The following CAST variants were observed in gnomAD, a reference collection of about 807,000 sequenced individuals.
The protein encoded by CAST is calpastatin.
A neutral mutation model predicts 119.6 loss-of-function variants in CAST; 76 were observed. The ratio of observed to expected loss-of-function variants is 0.64; its 90% CI spans 0.53 to 0.77. The LOEUF (loss-of-function observed/expected upper bound fraction) is 0.77. Among genes scored for constraint, CAST ranks in the 30% least tolerant of loss-of-function variants. The pLI, the probability that CAST is intolerant of heterozygous loss-of-function variation, is 0.00. For missense variants in CAST, 953 were observed against 946.5 expected (o/e 1.01, Z -0.09); for synonymous variants, 319 against 331.6 (o/e 0.96, Z 0.41).
At chr5:96,285,644 C>T in the CAST span, among the ~76,000 whole-genome samples, 1 of 152,244 alleles carries the variant, frequency 6.6e-6, no homozygotes, top group South Asian at 2.1e-4. Context: ...TTGAGTGTCT[C>T]CTGAATCCTC....
the CAST span, among the ~76,000 whole-genome samples, chr5:96,344,937 G>T: frequency 6.6e-6 from 1 of 152,124 alleles, no homozygotes; most frequent in Non-Finnish European, 1.5e-5. Context: ...AGACACAAGG[G>T]GTCAGCATTT....
the CAST span, among the ~76,000 whole-genome samples, chr5:96,293,102 GCCT>G: frequency 1.3e-5 from 2 of 152,110 alleles, no homozygotes; most frequent in African/African-American, 4.8e-5. Context: ...AATTCCAGTG[GCCT>G]CCATTCACAT....
chr5:96,570,851 A>G (rs1427231448), intron 1 of CAST, among the ~76,000 whole-genome samples: 1 of 152,160 alleles, frequency 6.6e-6, no homozygotes. Flanking sequence ...AACTGGAATA[A>G]TTTCCTGGGT....
chr5:96,224,978 G>C, the CAST span, among the ~76,000 whole-genome samples: 1 of 152,178 alleles, frequency 6.6e-6, no homozygotes, highest in Admixed American at 6.5e-5. Flanking sequence ...TCCAGACCTA[G>C]GTCATGTGCT....
At chr5:96,303,622 C>G in the CAST span, among the ~76,000 whole-genome samples, 1 of 151,970 alleles carries the variant, frequency 6.6e-6, no homozygotes, top group Admixed American at 6.6e-5. Flanking sequence ...TCCCCCACCC[C>G]CCAGTTTGTG....
the CAST span, among the ~76,000 whole-genome samples, chr5:96,495,634 A>C: frequency 2.0e-5 from 3 of 152,162 alleles, no homozygotes; most frequent in Admixed American, 6.5e-5. Flanking sequence ...TCCATGGTGC[A>C]TATGTGCCAC....
chr5:96,256,739 A>G, the CAST span, among the ~76,000 whole-genome samples: 1 of 152,130 alleles, frequency 6.6e-6, no homozygotes, highest in South Asian at 2.1e-4. Context: ...ACATGACTAT[A>G]TATAAATACA....
At chr5:96,769,907 C>T (rs974545551) in intron 29 of CAST, 4 of 149,786 alleles carry the variant, frequency 2.7e-5, no homozygotes, top group Non-Finnish European at 4.4e-5. Flanking sequence ...AGTAGGATAT[C>T]GTTTTTTAAG....
At chr5:96,352,730 G>C in the CAST span, among the ~76,000 whole-genome samples, 1 of 152,132 alleles carries the variant, frequency 6.6e-6, no homozygotes, top group African/African-American at 2.4e-5. Context: ...ATCTCAAACT[G>C]TAATACCCAC....
intron 25 of CAST, among the ~76,000 whole-genome samples, chr5:96,764,605 G>T (rs1338236989): frequency 6.6e-6 from 1 of 152,082 alleles, no homozygotes; most frequent in Non-Finnish European, 1.5e-5. Context: ...TTGTCTCTGG[G>T]GTTTTGTGCT....
chr5:96,240,623 G>T, the CAST span, among the ~76,000 whole-genome samples: 1 of 151,948 alleles, frequency 6.6e-6, no homozygotes, highest in Non-Finnish European at 1.5e-5. Flanking sequence ...GAGTGCAGTG[G>T]CATGATCATA....
the CAST span, among the ~76,000 whole-genome samples, chr5:95,966,905 A>G: frequency 6.6e-6 from 1 of 152,164 alleles, no homozygotes; most frequent in Non-Finnish European, 1.5e-5. Flanking sequence ...TCCCTGATTG[A>G]AGAAAATGTC....
the CAST span, among the ~76,000 whole-genome samples, chr5:96,455,439 G>T: frequency 6.6e-6 from 1 of 152,210 alleles, no homozygotes; most frequent in East Asian, 1.9e-4. Flanking sequence ...GTTTATACAA[G>T]ATACAGATAA....
intron 3 of CAST, 70 bp from the exon 4 acceptor site, chr5:96,722,569 G>A: frequency 8.5e-7 from 1 of 1,171,882 alleles, no homozygotes. Flanking sequence ...ATGGTTAAGA[G>A]GAGCTGAAGG....
At chr5:96,750,983 T>C (rs1345936519) in intron 20 of CAST, among the ~76,000 whole-genome samples, 3 of 152,202 alleles carry the variant, frequency 2.0e-5, no homozygotes, top group Non-Finnish European at 4.4e-5. Context: ...TTTAAGCCTA[T>C]ATGGATTTCC....
chr5:96,244,215 C>T, the CAST span, among the ~76,000 whole-genome samples: 2 of 152,218 alleles, frequency 1.3e-5, no homozygotes, highest in Middle Eastern at 3.4e-3. Flanking sequence ...TAAATTCACT[C>T]AATAAATAAA....
At chr5:96,385,324 T>C in the CAST span, among the ~76,000 whole-genome samples, 10 of 152,190 alleles carry the variant, frequency 6.6e-5, no homozygotes, top group African/African-American at 2.4e-4. Flanking sequence ...GTATAAACTC[T>C]CTAGGTGTTC....
chr5:96,026,273 C>T, the CAST span, among the ~76,000 whole-genome samples: 1 of 151,870 alleles, frequency 6.6e-6, no homozygotes, highest in Non-Finnish European at 1.5e-5. Flanking sequence ...TCAATAGGGC[C>T]TTAAACTGGG....
intron 18 of CAST, 73 bp downstream of exon 18, chr5:96,747,465 C>G: frequency 2.9e-6 from 3 of 1,031,216 alleles, no homozygotes; most frequent in African/African-American, 1.6e-5. Flanking sequence ...ATAATTTTGA[C>G]AGTCTGGAAT....
Sources: allele counts gnomAD v4.1 joint callset (sites outside exome capture counted in the v4.1 genomes callset), GRCh38; gene constraint gnomAD v4.1.1; transcripts MANE v1.5; gene names NCBI Gene and HGNC (gene_info 2026-07-23, HGNC 2026-07-21).